The following FNBP4 variants were observed in gnomAD, a reference collection of about 807,000 sequenced individuals.
FNBP4 encodes formin-binding protein 4.
A neutral mutation model predicts 119.3 loss-of-function variants in FNBP4; 34 were observed. The ratio of observed to expected loss-of-function variants is 0.28; its 90% CI spans 0.22 to 0.38. The LOEUF (loss-of-function observed/expected upper bound fraction) is 0.38, where lower values mean the gene tolerates loss of function less well. Ranked by LOEUF, FNBP4 falls within the 10% of genes least tolerant of loss-of-function variation. The probability of loss-of-function intolerance (pLI) is 1.00; values close to 1 mark genes in which losing one functional copy is unlikely to be tolerated. For missense variants in FNBP4, 1,112 were observed against 1,228.9 expected (o/e 0.90, Z 1.42); for synonymous variants, 462 against 430.6 (o/e 1.07, Z -0.90).
chr11:47,728,315 T>C (rs1000565854), intron 12 of FNBP4, among the ~76,000 whole-genome samples: 14 of 151,320 alleles, frequency 9.3e-5, no homozygotes, highest in African/African-American at 3.2e-4. Context: ...AGAGGTGTCA[T>C]CTTGGTTCAC....
Position 47,724,073 on chromosome 11 carries a change from T to C in FNBP4, c.2419A>G (p.Ile807Val), listed in dbSNP as rs1216091497. The change falls in exon 14 of 17, where the codon ATT (isoleucine) becomes GTT (valine). Residue 807 changes from isoleucine (I) to valine (V), a missense_variant. Coordinates refer to ENST00000263773, the MANE Select transcript of FNBP4 (RefSeq NM_015308.5). ...CTATAGAGAACTGGAGAACTGCCAA[T>C]GGTAGCTGACCTCTGAACCACTGCA... ...STAVVQRSATIGSSPVLYSQS... is the reference protein window; with the variant it reads ...STAVVQRSATVGSSPVLYSQS... 9 of 1,614,228 alleles carry C rather than the reference T, an allele frequency of 5.6e-6. No homozygotes were observed. The highest frequency in any genetic ancestry group is 2.2e-5 in the East Asian group (1 of 44,892).
intron 12 of FNBP4, among the ~76,000 whole-genome samples, chr11:47,727,592 T>C (rs3178119): frequency 6.6e-6 from 1 of 152,068 alleles, no homozygotes; most frequent in Non-Finnish European, 1.5e-5. Flanking sequence ...ATACAATGTG[T>C]CTCCCTCAAA....
intron 6 of FNBP4, among the ~76,000 whole-genome samples, chr11:47,747,767 G>C (rs906731728): frequency 1.3e-5 from 2 of 152,058 alleles, no homozygotes; most frequent in African/African-American, 4.8e-5. Flanking sequence ...GGCCAACATA[G>C]TGAAACCCCA....
At chr11:47,724,373 G>A in intron 13 of FNBP4, 95 bp downstream of exon 13, 4 of 1,587,650 alleles carry the variant, frequency 2.5e-6, no homozygotes, top group Non-Finnish European at 3.4e-6. Flanking sequence ...GAGCCACCGT[G>A]CCCGGCCTTT....
intron 3 of FNBP4, among the ~76,000 whole-genome samples, chr11:47,753,779 G>GT (rs1267180922): frequency 3.3e-5 from 5 of 152,100 alleles, no homozygotes; most frequent in African/African-American, 1.2e-4. Context: ...CTGGGTGACA[G>GT]TAAGACCCAG....
chr11:47,761,124 T>C (rs1353914173), intron 2 of FNBP4, among the ~76,000 whole-genome samples: 2 of 151,864 alleles, frequency 1.3e-5, no homozygotes, highest in African/African-American at 4.8e-5. Flanking sequence ...TAGAATCACA[T>C]GAAATATTAC....
chr11:47,723,986 AAAC>A (rs1324390910), intron 14 of FNBP4, 39 bp downstream of exon 14: 2 of 1,581,720 alleles, frequency 1.3e-6, no homozygotes, highest in Admixed American at 3.7e-5. Flanking sequence ...AAAAGAAAAG[AAAC>A]AATACATTGA....
rs1301431681 is a variant in FNBP4 at position 47,750,982 on chromosome 11, C to T, written c.840G>A (p.Lys280=). 2 of 1,613,862 alleles carry T rather than the reference C, an allele frequency of 1.2e-6. No homozygotes were observed. Among genetic ancestry groups the T allele is most frequent in the African/African-American group, 2.7e-5 (2 of 74,874 alleles). Residue 280 remains lysine (K), a synonymous_variant, in exon 6 of 17, where the codon AAG becomes AAA. Transcript: ENST00000263773. ...TACTGGAAACAGAAATCGTTTTCTC[C>T]TTAGAATATATGTCTGTATTTACCA... The part of the protein sequence containing the change: ...SFVVNTDIYS[K]EKTISVSSSK...
chr11:47,747,806 G>A (rs1038058799), intron 6 of FNBP4, among the ~76,000 whole-genome samples: 15 of 152,004 alleles, frequency 9.9e-5, no homozygotes, highest in African/African-American at 2.7e-4. Flanking sequence ...AAATTAGCCC[G>A]GCATGGCGGC....
chr11:47,758,034 C>T (rs12421210), intron 2 of FNBP4, among the ~76,000 whole-genome samples: 41,868 of 152,102 alleles, frequency 0.28, 6,804 homozygotes, highest in Middle Eastern at 0.38. Context: ...AGGCTGGTCT[C>T]ATCCTGTCCT....
intron 12 of FNBP4, chr11:47,729,548 C>T (rs1308584538): frequency 1.5e-5 from 15 of 980,006 alleles, no homozygotes; most frequent in Middle Eastern, 5.2e-4. Context: ...TGTTCTCTGT[C>T]GCTCAGGCTG....
At chr11:47,729,316 T>C in intron 12 of FNBP4, 1 of 985,442 alleles carries the variant, frequency 1.0e-6, no homozygotes. Flanking sequence ...CAACTTCACC[T>C]AAGTGACATA....
intron 8 of FNBP4, among the ~76,000 whole-genome samples, chr11:47,741,331 G>C (rs556428349): frequency 2.2e-4 from 33 of 151,542 alleles, no homozygotes; most frequent in Admixed American, 1.4e-3. Flanking sequence ...CACCACACTG[G>C]CTAATTTTTA....
At chr11:47,723,423 T>C (rs1323109631) in intron 14 of FNBP4, 107 bp from the exon 15 acceptor site, 2 of 1,473,582 alleles carry the variant, frequency 1.4e-6, no homozygotes, top group Non-Finnish European at 1.8e-6. Flanking sequence ...GATTCCAATA[T>C]ATCCTTTTCT....
intron 12 of FNBP4, among the ~76,000 whole-genome samples, chr11:47,727,581 C>CA (rs2135088845): frequency 1.3e-5 from 2 of 152,300 alleles, no homozygotes; most frequent in East Asian, 3.9e-4. Flanking sequence ...CAAATTCTCA[C>CA]ATACAATGTG....
intron 14 of FNBP4, 117 bp downstream of exon 14, chr11:47,723,911 A>C: frequency 1.1e-6 from 1 of 892,762 alleles, no homozygotes; most frequent in Non-Finnish European, 1.6e-6. Flanking sequence ...AAATAAATGC[A>C]TACTGACAGT....
chr11:47,753,645 T>C (rs576563249), intron 3 of FNBP4, among the ~76,000 whole-genome samples: 1 of 151,766 alleles, frequency 6.6e-6, no homozygotes, highest in East Asian at 1.9e-4. Context: ...AAGAATACAA[T>C]TATTATCGGG....
rs188731314 is a variant in FNBP4 at position 47,766,119 on chromosome 11, A to G, written c.221-757T>C. Among the ~76,000 whole-genome samples the G allele has an allele frequency of 3.3e-5, 5 of 152,058 alleles. No individual in the cohort carries two copies. The East Asian group carries it at 9.7e-4, about 29-fold the overall frequency. ...GATCGCTTGAGCCCTGGAGTTCGAGACCAGCCCGGGAAACATGAACTCCGT... is the reference window on the plus strand; with the variant it reads ...GATCGCTTGAGCCCTGGAGTTCGAGGCCAGCCCGGGAAACATGAACTCCGT... On this transcript the variant is annotated intron_variant, in intron 1 of 16. Transcript: ENST00000263773.
At chr11:47,747,297 C>G (rs561994312) in intron 6 of FNBP4, among the ~76,000 whole-genome samples, 1 of 152,118 alleles carries the variant, frequency 6.6e-6, no homozygotes, top group Non-Finnish European at 1.5e-5. Context: ...GTCTGCCTCC[C>G]GGGTTCAAGC....
Sources: gnomAD v4.1 joint callset for allele counts (sites outside exome capture counted in the v4.1 genomes callset) on GRCh38, gnomAD v4.1.1 for gene constraint, MANE v1.5 for transcripts, NCBI Gene and HGNC (gene_info 2026-07-23, HGNC 2026-07-21) for gene names.